Variants in DNTT observed in about 807,000 individuals in gnomAD.
DNTT encodes the protein DNA nucleotidylexotransferase.
In DNTT, 47 loss-of-function variants were observed where a neutral mutation model predicts 60.9. The observed-to-expected ratio is 0.77, with a 90% CI of 0.61 to 0.98. The LOEUF (loss-of-function observed/expected upper bound fraction) is 0.98, where lower values mean the gene tolerates loss of function less well. Among genes scored for constraint, DNTT ranks in the 50% least tolerant of loss-of-function variants. The probability of loss-of-function intolerance (pLI) is 0.00; values close to 1 mark genes in which losing one functional copy is unlikely to be tolerated. For synonymous variants in DNTT, 224 were observed against 221.2 expected (o/e 1.01, Z -0.11); for missense variants, 665 against 627.5 (o/e 1.06, Z -0.64).
At chr10:96,305,879 C>T (rs1198765542) in intron 1 of DNTT, among the ~76,000 whole-genome samples, 1 of 152,152 alleles carries the variant, frequency 6.6e-6, no homozygotes, top group Non-Finnish European at 1.5e-5. Flanking sequence ...GGCCCTTCTT[C>T]CACCTGATTT....
intron 5 of DNTT, among the ~76,000 whole-genome samples, chr10:96,323,199 T>C (rs766507312): frequency 6.6e-6 from 1 of 152,134 alleles, no homozygotes; most frequent in Non-Finnish European, 1.5e-5. Context: ...CTTGGGAGAT[T>C]GAGACATGAG....
At position 96,304,569 on chromosome 10, in the gene DNTT, C is replaced by T; in HGVS notation, c.72C>T (p.Ala24=). ...KRPRQTGALM[A]SSPQDIKFQD... ...CCCGGCAGACGGGTGCCTTGATGGC[C>T]TCCTCTCCTCAAGACATCAAATTTC... The change falls in exon 1 of 11, where the codon GCC becomes GCT. Residue 24 remains alanine (A), a synonymous_variant. Transcript: ENST00000371174. 6.2e-7 allele frequency: 1 copy of T among 1,614,108 alleles called. No homozygotes were observed. The highest frequency in any genetic ancestry group is 8.5e-7 in the Non-Finnish European group (1 of 1,179,978).
intron 9 of DNTT, among the ~76,000 whole-genome samples, chr10:96,333,638 G>A (rs1385662311): frequency 6.6e-6 from 1 of 152,194 alleles, no homozygotes. Context: ...ACAGCCTTTC[G>A]AAAACAGGAC....
chr10:96,319,474 T>C (rs1234309300), intron 3 of DNTT, 84 bp downstream of exon 3: 2 of 1,581,034 alleles, frequency 1.3e-6, no homozygotes, highest in Non-Finnish European at 1.7e-6. Context: ...TTATAAATTT[T>C]TCTGAAAACC....
In DNTT at chr10:96,327,509, G is replaced by A. The variant is rs1844949913; in HGVS notation, c.916G>A (p.Ala306Thr). ...AGACCTTGTCAGCTGTGTGACCAGG[G>A]CAGAAGCAGAGGCCGTCAGTGTGCT... ...YEDLVSCVTR[A>T]EAEAVSVLVK... is the part of the protein sequence containing the mutation. The change falls in exon 7 of 11, where the codon GCA (alanine) becomes ACA (threonine). Residue 306 changes from alanine (A) to threonine (T), a missense_variant. Coordinates refer to ENST00000371174, the MANE Select transcript of DNTT (RefSeq NM_004088.4). The A allele has an allele frequency of 6.2e-7, 1 of 1,614,132 alleles. No individual in the cohort carries two copies. Among genetic ancestry groups the A allele is most frequent in the Middle Eastern group, 1.7e-4 (1 of 6,060 alleles).
At chr10:96,312,047 T>C (rs929312336) in intron 1 of DNTT, among the ~76,000 whole-genome samples, 12 of 152,204 alleles carry the variant, frequency 7.9e-5, no homozygotes, top group Non-Finnish European at 1.5e-4. Flanking sequence ...ATGCATAATT[T>C]AAAATACAGA....
At chr10:96,313,506 C>T (rs906934914) in intron 1 of DNTT, among the ~76,000 whole-genome samples, 3 of 152,118 alleles carry the variant, frequency 2.0e-5, no homozygotes, top group Non-Finnish European at 2.9e-5. Flanking sequence ...TCTAGCAGAA[C>T]GTTAAGAGGT....
At position 96,314,071 on chromosome 10, in the gene DNTT, C is replaced by T. The variant is rs532467363; in HGVS notation, c.204-4281C>T. On this transcript the variant is annotated intron_variant, in intron 1 of 10. Transcript: ENST00000371174. ...ACATGTCCTGTAGTCTAGTTTAGTCCATATAATATTGTACATAAAATAGCA... is the reference window on the plus strand; with the variant it reads ...ACATGTCCTGTAGTCTAGTTTAGTCTATATAATATTGTACATAAAATAGCA... Among the ~76,000 whole-genome samples the T allele has an allele frequency of 2.6e-5, 4 of 152,278 alleles. No homozygotes were observed. In the East Asian group the frequency reaches 7.7e-4, roughly 29 times the overall value.
At chr10:96,311,882 G>C (rs1844722952) in intron 1 of DNTT, among the ~76,000 whole-genome samples, 1 of 152,194 alleles carries the variant, frequency 6.6e-6, no homozygotes, top group Non-Finnish European at 1.5e-5. Flanking sequence ...GACCTCAAGT[G>C]ATTCGCCCAC....
At chr10:96,313,700 T>C (rs1444620662) in intron 1 of DNTT, among the ~76,000 whole-genome samples, 1 of 152,250 alleles carries the variant, frequency 6.6e-6, no homozygotes, top group Non-Finnish European at 1.5e-5. Context: ...TATTTCTTTC[T>C]AGTCTGATTC....
intron 1 of DNTT, among the ~76,000 whole-genome samples, chr10:96,312,422 G>A (rs576290787): frequency 1.3e-5 from 2 of 152,150 alleles, no homozygotes; most frequent in African/African-American, 4.8e-5. Context: ...GGACCCCAGA[G>A]CCTCATGTAA....
In DNTT at chr10:96,320,716, A is replaced by G; in HGVS notation, c.606A>G (p.Pro202=). Residue 202 remains proline (P), a synonymous_variant, in exon 4 of 11, where the codon CCA becomes CCG. Coordinates refer to ENST00000371174, the MANE Select transcript of DNTT (RefSeq NM_004088.4). ...MRAASVLKSL[P]FTIISMKDTE... ...CAGCTTCTGTATTGAAATCTCTGCCATTCACAATCATCAGTATGAAGGACA... is the reference window on the plus strand; with the variant it reads ...CAGCTTCTGTATTGAAATCTCTGCCGTTCACAATCATCAGTATGAAGGACA... 1.2e-6 allele frequency: 2 copies of G among 1,613,906 alleles called. No homozygotes were observed. Among genetic ancestry groups the G allele is most frequent in the Non-Finnish European group, 1.7e-6 (2 of 1,179,836 alleles).
At chr10:96,310,129 C>A (rs1283585503) in intron 1 of DNTT, among the ~76,000 whole-genome samples, 1 of 152,220 alleles carries the variant, frequency 6.6e-6, no homozygotes, top group Non-Finnish European at 1.5e-5. Context: ...GACCAACCCC[C>A]CTACTACCCC....
chr10:96,314,402 C>CTTTTTTTTTTTTTTTTTTTT lies in DNTT; in HGVS notation c.204-3941_204-3922dup, dbSNP rs869059822. On this transcript the variant is annotated intron_variant, in intron 1 of 10. Transcript: ENST00000371174. ...TAACATTTCCAAGGCTATCTCTTCC[C>CTTTTTTTTTTTTTTTTTTTT]TTTTTTTTTTTTTTTTTTTTTTTTT... 2.2e-3 allele frequency among the ~76,000 whole-genome samples: 117 copies of CTTTTTTTTTTTTTTTTTTTT among 53,216 alleles called. 30 individuals carry two copies. Among genetic ancestry groups the CTTTTTTTTTTTTTTTTTTTT allele is most frequent in the Non-Finnish European group, 3.7e-3 (94 of 25,336 alleles). The allele number at this position is 53,216 out of a possible 152,430, so 34.9% of individuals were successfully genotyped here.
chr10:96,313,160 A>G (rs1228211600), intron 1 of DNTT, among the ~76,000 whole-genome samples: 1 of 152,230 alleles, frequency 6.6e-6, no homozygotes, highest in Non-Finnish European at 1.5e-5. Flanking sequence ...CCAAAGCACT[A>G]ACAATCGGTC....
rs1019464587 is a variant in DNTT at position 96,307,349 on chromosome 10, T to G, written c.203+2649T>G. ...TTATTTTCTGGGTTTTCCAGTTTTT[T>G]TTTTTTTTTTTTTTTTTTTTTTTTT... On this transcript the variant is annotated intron_variant, in intron 1 of 10. Coordinates refer to ENST00000371174, the MANE Select transcript of DNTT (RefSeq NM_004088.4). Among the ~76,000 whole-genome samples the G allele has an allele frequency of 4.5e-4, 5 of 11,044 alleles. 1 individual carries two copies. Among genetic ancestry groups the G allele is most frequent in the African/African-American group, 1.5e-3 (5 of 3,292 alleles). The allele number at this position is 11,044 out of a possible 152,430, so 7.2% of individuals were successfully genotyped here. A position where few individuals can be genotyped will look rare whatever the true frequency, so the allele number is the denominator to read the frequency against.
chr10:96,318,805 T>A (rs1037661217), intron 2 of DNTT, among the ~76,000 whole-genome samples: 5 of 152,308 alleles, frequency 3.3e-5, no homozygotes, highest in Middle Eastern at 3.4e-3. Flanking sequence ...GTGGTCGCTA[T>A]TTTCCCGAAC....
Position 96,324,210 on chromosome 10 carries a change from C to T in DNTT, c.751-56C>T, listed in dbSNP as rs1178486470. 5.7e-6 allele frequency: 9 copies of T among 1,570,816 alleles called. No individual in the cohort carries two copies. In the Admixed American group the frequency reaches 7.2e-5, roughly 13 times the overall value. Reference sequence around the variant, plus strand: ...CTGAGACCTAGAAAGGGTCATGACTCGGATGTTATAATGATTATCTTAGAG... The same window carrying T: ...CTGAGACCTAGAAAGGGTCATGACTTGGATGTTATAATGATTATCTTAGAG... On this transcript the variant is annotated intron_variant, in intron 5 of 10. Transcript: ENST00000371174.
rs777014448 is a variant in DNTT at position 96,319,325 on chromosome 10, C to G, written c.442C>G (p.Gln148Glu). 1.9e-6 allele frequency: 3 copies of G among 1,613,866 alleles called. No homozygotes were observed. The highest frequency in any genetic ancestry group is 1.7e-6 in the Non-Finnish European group (2 of 1,179,808). Reference sequence around the variant, plus strand: ...CCCGAAGACTCCACCAATTGCTGTACAAAAGATCTCCCAGTATGCGTGTCA... The same window carrying G: ...CCCGAAGACTCCACCAATTGCTGTAGAAAAGATCTCCCAGTATGCGTGTCA... ...GPPKTPPIAV[Q>E]KISQYACQRR... Residue 148 changes from glutamine (Q) to glutamate (E), a missense_variant, in exon 3 of 11, where the codon CAA (glutamine) becomes GAA (glutamate). By Grantham distance (29) the Gln-to-Glu change is conservative. Transcript: ENST00000371174.
Sources: gnomAD v4.1 joint callset for allele counts (sites outside exome capture counted in the v4.1 genomes callset) on GRCh38, gnomAD v4.1.1 for gene constraint, MANE v1.5 for transcripts, NCBI Gene and HGNC (gene_info 2026-07-23, HGNC 2026-07-21) for gene names.